Variants in SUGCT observed in about 807,000 individuals in gnomAD.
SUGCT encodes the protein succinyl-CoA:glutarate CoA-transferase.
In SUGCT, 41 loss-of-function variants were observed where a neutral mutation model predicts 55.0. The ratio of observed to expected loss-of-function variants is 0.74; its 90% CI spans 0.58 to 0.97. SUGCT has a LOEUF of 0.97. SUGCT is among the 50% of genes least tolerant of loss of function. The pLI, the probability that SUGCT is intolerant of heterozygous loss-of-function variation, is 0.00. For missense variants in SUGCT, 568 were observed against 547.8 expected (o/e 1.04, Z -0.37); for synonymous variants, 187 against 200.4 (o/e 0.93, Z 0.56).
chr7:40,673,977 G>T (rs1040696119), intron 12 of SUGCT, among the ~76,000 whole-genome samples: 1 of 151,994 alleles, frequency 6.6e-6, no homozygotes, highest in Non-Finnish European at 1.5e-5. Context: ...TAACAAACAG[G>T]CACTACAACA....
At chr7:40,579,860 A>AGTAGGATGG (rs1796979524) in intron 12 of SUGCT, among the ~76,000 whole-genome samples, 3 of 152,180 alleles carry the variant, frequency 2.0e-5, no homozygotes, top group African/African-American at 7.2e-5. Flanking sequence ...CCTGGAGCAG[A>AGTAGGATGG]GTAGGATGGT....
chr7:40,637,466 G>A (rs1257261604), intron 12 of SUGCT, among the ~76,000 whole-genome samples: 5 of 152,232 alleles, frequency 3.3e-5, no homozygotes, highest in African/African-American at 9.6e-5. Context: ...AGGAAACGGG[G>A]AGGACCCCTT....
rs192859288 is a variant in SUGCT at position 40,139,654 on chromosome 7, C to T, written c.100+4534C>T. Among the ~76,000 whole-genome samples the T allele has an allele frequency of 1.2e-3, 183 of 152,270 alleles. 2 individuals are homozygous for T. The highest frequency in any genetic ancestry group is 4.3e-3 in the African/African-American group (177 of 41,570). On this transcript the variant is annotated intron_variant, in intron 1 of 13. Coordinates refer to ENST00000335693, the MANE Select transcript of SUGCT (RefSeq NM_001193313.2). ...AGTCCCCTGTTGGATATGTAGTTTG[C>T]AGATATTTTCTTCCATTCCTCAGGT...
At chr7:40,770,846 C>T (rs1256891521) in intron 13 of SUGCT, among the ~76,000 whole-genome samples, 1 of 152,168 alleles carries the variant, frequency 6.6e-6, no homozygotes, top group Non-Finnish European at 1.5e-5. Context: ...CCTGTGAATA[C>T]CTTCACTCAC....
intron 9 of SUGCT, among the ~76,000 whole-genome samples, chr7:40,328,076 T>C (rs1455621378): frequency 1.3e-5 from 2 of 152,164 alleles, no homozygotes; most frequent in Non-Finnish European, 2.9e-5. Flanking sequence ...TTAGTTTCAT[T>C]TTCTATCTTT....
At chr7:40,372,320 A>G (rs984651704) in intron 9 of SUGCT, among the ~76,000 whole-genome samples, 3 of 152,056 alleles carry the variant, frequency 2.0e-5, no homozygotes, top group Non-Finnish European at 2.9e-5. Context: ...TAGACCCTAC[A>G]TCTTTAATTA....
chr7:40,524,185 T>C (rs61094306), intron 12 of SUGCT, among the ~76,000 whole-genome samples: 31,289 of 152,046 alleles, frequency 0.21, 3,931 homozygotes, highest in African/African-American at 0.35. Context: ...AGAGTTTTAT[T>C]TTCTAATTTG....
intron 1 of SUGCT, among the ~76,000 whole-genome samples, chr7:40,135,845 C>G (rs1787657358): frequency 6.6e-6 from 1 of 152,046 alleles, no homozygotes; most frequent in African/African-American, 2.4e-5. Flanking sequence ...TTAGTAGAGA[C>G]GGGGTTTCGC....
the SUGCT span, among the ~76,000 whole-genome samples, chr7:40,950,186 G>A: frequency 2.6e-4 from 40 of 152,236 alleles, no homozygotes; most frequent in African/African-American, 9.6e-4. Flanking sequence ...CTTGTAAGTT[G>A]GATTCCTAGA....
At chr7:40,411,501 T>C (rs1786689753) in intron 9 of SUGCT, among the ~76,000 whole-genome samples, 1 of 152,094 alleles carries the variant, frequency 6.6e-6, no homozygotes, top group Non-Finnish European at 1.5e-5. Context: ...TTATGTTAAA[T>C]GAAATAAGCC....
intron 12 of SUGCT, among the ~76,000 whole-genome samples, chr7:40,617,858 A>G (rs1799083416): frequency 6.6e-6 from 1 of 152,168 alleles, no homozygotes; most frequent in Non-Finnish European, 1.5e-5. Context: ...TGATTGTTCA[A>G]CATCATGTCT....
intron 12 of SUGCT, among the ~76,000 whole-genome samples, chr7:40,667,149 G>T (rs550790713): frequency 3.3e-5 from 5 of 150,924 alleles, no homozygotes; most frequent in Non-Finnish European, 2.9e-5. Flanking sequence ...CAAAATGAAT[G>T]AAAGGACTGA....
intron 13 of SUGCT, among the ~76,000 whole-genome samples, chr7:40,859,624 GCTTT>G (rs1274113328): frequency 6.6e-6 from 1 of 152,168 alleles, no homozygotes; most frequent in African/African-American, 2.4e-5. Flanking sequence ...CTTACTTAGT[GCTTT>G]CTGTCTATGA....
At chr7:40,991,449 C>T in the SUGCT span, among the ~76,000 whole-genome samples, 4 of 152,042 alleles carry the variant, frequency 2.6e-5, no homozygotes, top group African/African-American at 4.8e-5. Flanking sequence ...CACAGAGACA[C>T]GAAGTGAGTG....
chr7:40,642,237 T>G (rs1800300241), intron 12 of SUGCT, among the ~76,000 whole-genome samples: 1 of 152,208 alleles, frequency 6.6e-6, no homozygotes, highest in Non-Finnish European at 1.5e-5. Flanking sequence ...AATAAATGTT[T>G]TTATATACTT....
downstream of SUGCT, among the ~76,000 whole-genome samples, chr7:40,864,746 A>G (rs976221748): frequency 6.6e-6 from 1 of 151,944 alleles, no homozygotes; most frequent in Non-Finnish European, 1.5e-5. Flanking sequence ...GAGCACACCC[A>G]GGAGCTGCAG....
chr7:40,339,161 G>C (rs1473018995), intron 9 of SUGCT, among the ~76,000 whole-genome samples: 1 of 152,128 alleles, frequency 6.6e-6, no homozygotes. Flanking sequence ...GCCCCTACTG[G>C]GGGGTACCTC....
chr7:40,402,992 G>A (rs935197392), intron 9 of SUGCT, among the ~76,000 whole-genome samples: 1 of 152,184 alleles, frequency 6.6e-6, no homozygotes, highest in African/African-American at 2.4e-5. Flanking sequence ...GTTAGAGGCA[G>A]CCCACGGCAT....
chr7:40,844,605 C>A (rs1053183704), intron 13 of SUGCT, among the ~76,000 whole-genome samples: 2 of 151,994 alleles, frequency 1.3e-5, no homozygotes, highest in Non-Finnish European at 2.9e-5. Flanking sequence ...GGGTTGGGGG[C>A]AGGGTGGGCC....
Sources: gnomAD v4.1 joint callset for allele counts (sites outside exome capture counted in the v4.1 genomes callset) on GRCh38, gnomAD v4.1.1 for gene constraint, MANE v1.5 for transcripts, NCBI Gene and HGNC (gene_info 2026-07-23, HGNC 2026-07-21) for gene names.